Variants in LRRC17 observed in about 807,000 individuals in gnomAD.
LRRC17 encodes the protein leucine-rich repeat-containing protein 17.
Under a neutral mutation model 41.5 loss-of-function variants are expected in LRRC17, and 33 were observed. The observed-to-expected ratio is 0.80, with a 90% confidence interval of 0.60 to 1.06. The LOEUF (loss-of-function observed/expected upper bound fraction) is 1.06. Ranked by LOEUF, LRRC17 falls within the 50% of genes least tolerant of loss-of-function variation. The pLI, the probability that LRRC17 is intolerant of heterozygous loss-of-function variation, is 0.00. For synonymous variants in LRRC17, 192 were observed against 197.0 expected (o/e 0.97, Z 0.21); for missense variants, 491 against 519.3 (o/e 0.95, Z 0.53).
chr7:102,930,364 T>C (rs1243763536), intron 1 of LRRC17, among the ~76,000 whole-genome samples: 1 of 152,066 alleles, frequency 6.6e-6, no homozygotes, highest in African/African-American at 2.4e-5. Flanking sequence ...CTCTCCATCA[T>C]CCTCTATAAA....
At chr7:102,942,229 T>C in intron 3 of LRRC17, 1 of 1,346,830 alleles carries the variant, frequency 7.4e-7, no homozygotes, top group Non-Finnish European at 1.0e-6. Context: ...AAAAAGTATC[T>C]TGGCAGTTAA....
At position 102,939,499 on chromosome 7, in the gene LRRC17, A is replaced by C. The variant is rs756555533; in HGVS notation, c.842A>C (p.Asn281Thr). The C allele has an allele frequency of 3.1e-6, 5 of 1,613,950 alleles. No homozygotes were observed. The Admixed American group carries it at 5.0e-5, about 16-fold the overall frequency. Residue 281 changes from asparagine to threonine, a missense_variant, in exon 3 of 4, where the codon AAC (asparagine) becomes ACC (threonine). Transcript: ENST00000339431. ...CTTGACTTGTCATACAATAAAATCA[A>C]CCAACTTCGACCCAAGGAATTTGAA... Reference protein sequence around the residue: ...VKLDLSYNKINQLRPKEFEDV... With the variant: ...VKLDLSYNKITQLRPKEFEDV...
At chr7:102,930,894 A>G (rs1819048744) in intron 1 of LRRC17, among the ~76,000 whole-genome samples, 1 of 152,210 alleles carries the variant, frequency 6.6e-6, no homozygotes, top group Non-Finnish European at 1.5e-5. Context: ...CATTCACTAA[A>G]TATTATTGAA....
chr7:102,923,651 T>C (rs140593905), intron 1 of LRRC17, among the ~76,000 whole-genome samples: 3,387 of 151,472 alleles, frequency 0.022, 148 homozygotes, highest in East Asian at 0.16. Flanking sequence ...TGAAACCCCA[T>C]CTCTACTAAA....
At chr7:102,937,463 C>T (rs1352474801) in intron 2 of LRRC17, among the ~76,000 whole-genome samples, 8 of 146,608 alleles carry the variant, frequency 5.5e-5, no homozygotes, top group Admixed American at 2.8e-4. Context: ...GCTGAGATCA[C>T]GCCACTGCAC....
intron 1 of LRRC17, chr7:102,926,399 G>T (rs1323268514): frequency 2.5e-6 from 4 of 1,573,170 alleles, no homozygotes; most frequent in South Asian, 1.1e-5. Flanking sequence ...GAGGGAAGAG[G>T]CTTATCAAAT....
At chr7:102,926,384 A>G in intron 1 of LRRC17, 1 of 1,605,578 alleles carries the variant, frequency 6.2e-7, no homozygotes, top group Non-Finnish European at 8.5e-7. Context: ...CCTGCATGAA[A>G]AACAGAGGGA....
chr7:102,924,993 C>A (rs556542260), intron 1 of LRRC17, among the ~76,000 whole-genome samples: 2 of 152,246 alleles, frequency 1.3e-5, no homozygotes, highest in Admixed American at 1.3e-4. Context: ...AAGCTATATT[C>A]TCAAAAATAG....
intron 3 of LRRC17, 105 bp downstream of exon 3, chr7:102,939,690 A>C (rs987597401): frequency 4.8e-5 from 50 of 1,036,386 alleles, no homozygotes; most frequent in Non-Finnish European, 1.4e-5. Flanking sequence ...TAACTGAACT[A>C]AATAATAAAG....
At chr7:102,939,348 C>G in intron 2 of LRRC17, 82 bp from the exon 3 acceptor site, 1 of 1,206,532 alleles carries the variant, frequency 8.3e-7, no homozygotes, top group East Asian at 2.4e-5. Flanking sequence ...AGAGCTGATT[C>G]TTCAATCACA....
At chr7:102,923,740 C>T (rs1047517495) in intron 1 of LRRC17, among the ~76,000 whole-genome samples, 4 of 151,586 alleles carry the variant, frequency 2.6e-5, no homozygotes, top group African/African-American at 9.7e-5. Flanking sequence ...AGGAGAATTG[C>T]TTTGAACCTG....
At chr7:102,942,370 C>A in intron 3 of LRRC17, 2 of 1,521,032 alleles carry the variant, frequency 1.3e-6, no homozygotes, top group Non-Finnish European at 8.8e-7. Flanking sequence ...GTGGGAGTTG[C>A]CAGACTTTAA....
intron 3 of LRRC17, among the ~76,000 whole-genome samples, chr7:102,941,194 T>A (rs1422406854): frequency 6.6e-6 from 1 of 152,142 alleles, no homozygotes; most frequent in Non-Finnish European, 1.5e-5. Context: ...TCAAAAGCAA[T>A]TTTCATTTTT....
chr7:102,913,172 G>A (rs370558905), intron 1 of LRRC17, 27 bp downstream of exon 1: 34 of 1,613,994 alleles, frequency 2.1e-5, no homozygotes, highest in African/African-American at 8.0e-5. Flanking sequence ...TCTGTGAACC[G>A]TCTGCAATAA....
At chr7:102,942,716 C>T (rs1356105425) in intron 3 of LRRC17, among the ~76,000 whole-genome samples, 1 of 152,000 alleles carries the variant, frequency 6.6e-6, no homozygotes, top group Non-Finnish European at 1.5e-5. Flanking sequence ...TTGCTTGGTA[C>T]CAAAATAGAA....
chr7:102,941,000 C>A (rs1408839269), intron 3 of LRRC17, among the ~76,000 whole-genome samples: 1 of 152,016 alleles, frequency 6.6e-6, no homozygotes, highest in African/African-American at 2.4e-5. Flanking sequence ...AATTTTAACA[C>A]AATAAAAGTG....
intron 1 of LRRC17, among the ~76,000 whole-genome samples, chr7:102,913,519 G>A (rs1161064015): frequency 6.6e-6 from 1 of 152,172 alleles, no homozygotes; most frequent in Non-Finnish European, 1.5e-5. Flanking sequence ...TGTGTGAGGT[G>A]GGGGAGGCAA....
rs1355745232 is a variant in LRRC17, at chr7:102,934,425, T to C, written c.512T>C (p.Ile171Thr). The C allele has an allele frequency of 5.6e-6, 9 of 1,614,070 alleles. No individual in the cohort carries two copies. The highest frequency in any genetic ancestry group is 4.0e-5 in the African/African-American group (3 of 74,916). Residue 171 changes from isoleucine to threonine, a missense_variant, in exon 2 of 4, where the codon ATA (isoleucine) becomes ACA (threonine). By Grantham distance (89) the Ile-to-Thr change is moderately conservative. Transcript: ENST00000339431. ...AACCCCTGGCACTGTACTTGTGAGA[T>C]AGAAACGCTTATTTCAATGTTGCAG... ...YDNPWHCTCE[I>T]ETLISMLQIP...
intron 3 of LRRC17, chr7:102,942,356 T>C: frequency 1.3e-6 from 2 of 1,553,000 alleles, no homozygotes; most frequent in East Asian, 2.4e-5. Context: ...AGTATACAAA[T>C]GCAGTGGGAG....
Sources: allele counts gnomAD v4.1 joint callset (sites outside exome capture counted in the v4.1 genomes callset), GRCh38; gene constraint gnomAD v4.1.1; transcripts MANE v1.5; gene names NCBI Gene and HGNC (gene_info 2026-07-23, HGNC 2026-07-21).